LMF1: variants seen among roughly 807,000 people sequenced by gnomAD.
LMF1 encodes the protein lipase maturation factor 1, also known as transmembrane protein 112.
A neutral mutation model predicts 60.6 loss-of-function variants in LMF1; 68 were observed. That is an observed-to-expected ratio of 1.12 (90% CI 0.92 to 1.37). The LOEUF is 1.37. LMF1 is among the 40% of genes most tolerant of loss of function. LMF1 has a pLI of 0.00. For synonymous variants in LMF1, 418 were observed against 324.7 expected, an observed-to-expected ratio of 1.29 and a Z score of -3.09; for missense variants, 948 against 767.2, an observed-to-expected ratio of 1.24 and a Z score of -2.78.
intron 4 of LMF1, among the ~76,000 whole-genome samples, chr16:904,466 TGC>T (rs1215365777): frequency 1.8e-4 from 18 of 101,268 alleles, no homozygotes; most frequent in South Asian, 4.8e-4. Flanking sequence ...CCGTCTCTGC[TGC>T]GTGGTGGTGA....
At chr16:930,000 C>T (rs1450968281) in intron 3 of LMF1, among the ~76,000 whole-genome samples, 1 of 150,780 alleles carries the variant, frequency 6.6e-6, no homozygotes, top group Non-Finnish European at 1.5e-5. Context: ...GACACAGAGC[C>T]CAGGACAGCA....
intron 3 of LMF1, chr16:931,764 C>T (rs1486582077): frequency 4.4e-5 from 56 of 1,287,086 alleles, no homozygotes; most frequent in Non-Finnish European, 5.0e-5. Flanking sequence ...TGAATTTCTG[C>T]GCGACAGTCC....
chr16:900,679 TTATGTGTGTG>T (rs2070783602), intron 4 of LMF1: 1 of 108,674 alleles, frequency 9.2e-6, no homozygotes, highest in African/African-American at 3.4e-5. Flanking sequence ...CTGCTAATTT[TTATGTGTGTG>T]TGTGTGTGTG....
At chr16:969,460 T>C (rs1266856397) in intron 1 of LMF1, among the ~76,000 whole-genome samples, 6 of 152,192 alleles carry the variant, frequency 3.9e-5, no homozygotes, top group African/African-American at 1.4e-4. Flanking sequence ...AGGTGGAAAG[T>C]ATCACACAAA....
At chr16:865,260 T>C (rs1481555783) in intron 10 of LMF1, among the ~76,000 whole-genome samples, 2 of 152,246 alleles carry the variant, frequency 1.3e-5, no homozygotes, top group Non-Finnish European at 2.9e-5. Context: ...TACATAAACT[T>C]TGAACTACTT....
chr16:876,498 T>C (rs2069982059), intron 6 of LMF1, among the ~76,000 whole-genome samples: 1 of 152,060 alleles, frequency 6.6e-6, no homozygotes, highest in South Asian at 2.1e-4. Context: ...GCCTATCAAC[T>C]ATACAAGGTC....
chr16:914,750 G>A (rs2071231708), intron 3 of LMF1, among the ~76,000 whole-genome samples: 2 of 92,154 alleles, frequency 2.2e-5, no homozygotes, highest in Non-Finnish European at 4.0e-5. Context: ...CATGACTATT[G>A]GTGACACATT....
intron 3 of LMF1, among the ~76,000 whole-genome samples, chr16:917,069 C>T (rs1353909007): frequency 6.6e-6 from 1 of 152,224 alleles, no homozygotes; most frequent in Non-Finnish European, 1.5e-5. Flanking sequence ...GCAAACTCAT[C>T]TTGAAGGCAG....
Position 878,741 on chromosome 16 carries a change from A to G in LMF1, c.897+829T>C, listed in dbSNP as rs1266745168. On this transcript the variant is annotated intron_variant, in intron 6 of 10. Coordinates refer to ENST00000262301, the MANE Select transcript of LMF1 (RefSeq NM_022773.4). This position sits in a 1 kb window ranked among gnomAD's most constrained non-coding sequence, Gnocchi z 5.2. The stretch of plus-strand genomic sequence containing the variant: ...TGGCAGGGGTGGGCAGGGCAGGGGA[A>G]GGGCGGGGGCAGGGGCGGGCAGGGC... 3.0e-5 allele frequency among the ~76,000 whole-genome samples: 1 copy of G among 33,742 alleles called. No individual in the cohort carries two copies. Among genetic ancestry groups the G allele is most frequent in the African/African-American group, 1.2e-4 (1 of 8,484 alleles). 22.1% of individuals were successfully genotyped at this position (33,742 alleles called of 152,430 possible).
At chr16:947,923 C>CAG (rs532101924) in intron 2 of LMF1, among the ~76,000 whole-genome samples, 97 of 112,940 alleles carry the variant, frequency 8.6e-4, no homozygotes, top group Admixed American at 2.5e-3. Flanking sequence ...ACGACAGAGT[C>CAG]AGCCAACGAC....
Position 970,873 on chromosome 16 carries a change from G to A in LMF1, c.108C>T (p.Gly36=), listed in dbSNP as rs936446490. The change falls in exon 1 of 11, where the codon GGC becomes GGT. Residue 36 remains glycine, a synonymous_variant. Coordinates refer to ENST00000262301, the MANE Select transcript of LMF1 (RefSeq NM_022773.4). ...EPESPPAPGR[G]PAGSPAHLHT... ...GGAGATGGGCCGGAGAGCCTGCGGGGCCACGCCCCGGCGCGGGCGGCGACT... is the reference window on the plus strand; with the variant it reads ...GGAGATGGGCCGGAGAGCCTGCGGGACCACGCCCCGGCGCGGGCGGCGACT... 6.4e-7 allele frequency: 1 copy of A among 1,567,650 alleles called. No homozygotes were observed. The highest frequency in any genetic ancestry group is 8.6e-7 in the Non-Finnish European group (1 of 1,158,916).
At chr16:919,008 G>T (rs113789267) in intron 3 of LMF1, among the ~76,000 whole-genome samples, 7,262 of 152,232 alleles carry the variant, frequency 0.048, 182 homozygotes, top group Non-Finnish European at 0.059. Context: ...GGGCCTCCTG[G>T]GCTGGAGCCC....
chr16:910,453 G>A (rs1460401397), intron 4 of LMF1, among the ~76,000 whole-genome samples: 1 of 152,198 alleles, frequency 6.6e-6, no homozygotes. Context: ...AAGAGACCAT[G>A]AGGAGGCCGC....
chr16:895,010 C>A (rs1339180186), intron 4 of LMF1, among the ~76,000 whole-genome samples: 3 of 152,102 alleles, frequency 2.0e-5, no homozygotes, highest in African/African-American at 2.4e-5. Context: ...GTGAGGGCGC[C>A]CCCCTCAGGC....
At chr16:891,605 C>G (rs1022942554) in intron 5 of LMF1, among the ~76,000 whole-genome samples, 1 of 149,084 alleles carries the variant, frequency 6.7e-6, no homozygotes, top group Non-Finnish European at 1.5e-5. Context: ...CTGACCTGTC[C>G]TGAGAGCATC....
At chr16:929,382 G>C (rs952808937) in intron 3 of LMF1, among the ~76,000 whole-genome samples, 1 of 152,220 alleles carries the variant, frequency 6.6e-6, no homozygotes, top group Non-Finnish European at 1.5e-5. Flanking sequence ...CCACACTCAG[G>C]GGATGGGGCC....
rs2070067533 is a variant in LMF1 at position 878,687 on chromosome 16, G to A, written c.897+883C>T. ...GGCGTGGCACCCGTGCCTGCTGACG[G>A]AGCTTTGCCCCTCTAGGCGGCGGTG... is the stretch of plus-strand genomic sequence containing the variant. On this transcript the variant is annotated intron_variant, in intron 6 of 10. Transcript: ENST00000262301. This position sits in a 1 kb window ranked among gnomAD's most constrained non-coding sequence, Gnocchi z 5.2. Among the ~76,000 whole-genome samples the A allele has an allele frequency of 6.9e-6, 1 of 144,560 alleles. No individual in the cohort carries two copies. The highest frequency in any genetic ancestry group is 7.3e-5 in the Admixed American group (1 of 13,738). The allele number at this position is 144,560 out of a possible 152,430, so 94.8% of individuals were successfully genotyped here. A position where few individuals can be genotyped will look rare whatever the true frequency, so the allele number is the denominator to read the frequency against.
chr16:934,701 T>C (rs973039205), intron 2 of LMF1, among the ~76,000 whole-genome samples: 9 of 152,246 alleles, frequency 5.9e-5, no homozygotes, highest in African/African-American at 7.2e-5. Flanking sequence ...GTCTTTACTA[T>C]TGAATCCCAA....
intron 5 of LMF1, chr16:883,841 TTTGA>T (rs1303363600): frequency 3.3e-5 from 5 of 152,248 alleles, no homozygotes; most frequent in Admixed American, 1.3e-4. Context: ...TTGATTGTAG[TTTGA>T]TTGACAAATA....
Sources: allele counts gnomAD v4.1 joint callset (sites outside exome capture counted in the v4.1 genomes callset), GRCh38; gene constraint gnomAD v4.1.1; non-coding constraint Gnocchi (gnomAD v3.1); transcripts MANE v1.5; gene names NCBI Gene and HGNC (gene_info 2026-07-23, HGNC 2026-07-21).